The following NXT1 variants were observed in gnomAD, a reference collection of about 807,000 sequenced individuals.
NXT1 encodes NTF2-related export protein 1.
In NXT1, 3 loss-of-function variants were observed where a neutral mutation model predicts 9.9. The observed-to-expected ratio is 0.30, with a 90% CI of 0.14 to 0.79. NXT1 has a LOEUF of 0.79. NXT1 is among the 30% of genes least tolerant of loss of function. The probability of loss-of-function intolerance (pLI) is 0.63; values close to 1 mark genes in which losing one functional copy is unlikely to be tolerated. For synonymous variants in NXT1, 53 were observed against 66.5 expected, an observed-to-expected ratio of 0.80 and a Z score of 0.99; for missense variants, 91 against 178.2, an observed-to-expected ratio of 0.51 and a Z score of 2.79.
chr20:23,354,321 G>A lies in NXT1; in HGVS notation c.280G>A (p.Val94Ile). The change falls in exon 2 of 2, where the codon GTC (valine) becomes ATC (isoleucine). Residue 94 changes from valine (V) to isoleucine (I), a missense_variant. Coordinates refer to ENST00000254998, the MANE Select transcript of NXT1 (RefSeq NM_013248.3). ...ACCAAGCCAGACCACGGTCCTTGTT[G>A]TCATCTGTGGATCAGTGAAGTTTGA... ...ATPSQTTVLV[V>I]ICGSVKFEGN... is the part of the protein sequence containing the mutation. 6.2e-7 allele frequency: 1 copy of A among 1,614,180 alleles called. No individual in the cohort carries two copies. Among genetic ancestry groups the A allele is most frequent in the South Asian group, 1.1e-5 (1 of 91,088 alleles).
chr20:23,351,675 A>G (rs187666113), intron 1 of NXT1, among the ~76,000 whole-genome samples: 1 of 152,288 alleles, frequency 6.6e-6, no homozygotes, highest in East Asian at 1.9e-4. Context: ...CCAGCCAAAG[A>G]GAAATGGGGT....
intron 1 of NXT1, among the ~76,000 whole-genome samples, chr20:23,351,727 C>T (rs2122994514): frequency 6.6e-6 from 1 of 152,294 alleles, no homozygotes; most frequent in South Asian, 2.1e-4. Flanking sequence ...TGGAGTTGTG[C>T]TCATGGAGAC....
At chr20:23,352,515 A>G (rs191545290) in intron 1 of NXT1, among the ~76,000 whole-genome samples, 1 of 137,460 alleles carries the variant, frequency 7.3e-6, no homozygotes, top group Non-Finnish European at 1.5e-5. Flanking sequence ...TAATCATTAT[A>G]AAAAAAAAAG....
rs1030497044 is a variant in NXT1, at chr20:23,353,924, A to T, written c.-61-57A>T. ...AGAAAAGGAGGAATGTTCCATTGTCAGGGCAGAATGAACTTTGGCATTCAC... is the reference window on the plus strand; with the variant it reads ...AGAAAAGGAGGAATGTTCCATTGTCTGGGCAGAATGAACTTTGGCATTCAC... On this transcript the variant is annotated intron_variant, in intron 1 of 1. Transcript: ENST00000254998. The T allele has an allele frequency of 1.1e-5, 10 of 943,044 alleles. No individual in the cohort carries two copies. The Admixed American group carries it at 2.3e-4, about 21-fold the overall frequency. 58.4% of individuals were successfully genotyped at this position (943,044 alleles called of 1,614,324 possible). A position where few individuals can be genotyped will look rare whatever the true frequency, so the allele number is the denominator to read the frequency against.
chr20:23,353,101 T>C (rs571867880), intron 1 of NXT1, among the ~76,000 whole-genome samples: 11 of 152,358 alleles, frequency 7.2e-5, no homozygotes, highest in East Asian at 3.9e-4. Flanking sequence ...CAGTGACCAC[T>C]CTTCCCTTCA....
intron 1 of NXT1, 197 bp downstream of exon 1, chr20:23,351,258 G>A (rs1980256319): frequency 6.6e-6 from 1 of 152,374 alleles, no homozygotes; most frequent in Non-Finnish European, 1.5e-5. Context: ...TCCCCTCACA[G>A]CGCAGCTCTC....
chr20:23,353,568 C>T lies in NXT1; in HGVS notation c.-61-413C>T, dbSNP rs1600520646. 2.0e-5 allele frequency among the ~76,000 whole-genome samples: 3 copies of T among 152,246 alleles called. 1 individual carries two copies. In the East Asian group the frequency reaches 5.8e-4, roughly 29 times the overall value. On this transcript the variant is annotated intron_variant, in intron 1 of 1. Coordinates refer to ENST00000254998, the MANE Select transcript of NXT1 (RefSeq NM_013248.3). ...CTGGGAGGCAGGTGTTGCAGTGAGC[C>T]GAGGTCGCGCCACTGCACTCCAGCC... is the stretch of plus-strand genomic sequence containing the variant.
chr20:23,353,545 G>A (rs1980328698), intron 1 of NXT1, among the ~76,000 whole-genome samples: 1 of 152,202 alleles, frequency 6.6e-6, no homozygotes, highest in African/African-American at 2.4e-5. Context: ...GCTTGAAGCT[G>A]GGAGGCAGGT....
intron 1 of NXT1, among the ~76,000 whole-genome samples, chr20:23,352,612 CTTTTT>C (rs76787707): frequency 6.6e-6 from 1 of 151,710 alleles, no homozygotes; most frequent in Non-Finnish European, 1.5e-5. Context: ...GTAATGTCCT[CTTTTT>C]TTTAAGTGAA....
chr20:23,351,649 G>A (rs1373679229), intron 1 of NXT1, among the ~76,000 whole-genome samples: 2 of 152,132 alleles, frequency 1.3e-5, no homozygotes, highest in African/African-American at 4.8e-5. Flanking sequence ...GAGGAGTGAG[G>A]TGGAGATCGG....
At chr20:23,353,835 G>C in intron 1 of NXT1, 146 bp from the exon 2 acceptor site, 2 of 591,892 alleles carry the variant, frequency 3.4e-6, no homozygotes, top group South Asian at 2.1e-5. Context: ...GGCATTTTTA[G>C]GCATTGGGTA....
Position 23,354,415 on chromosome 20 carries a change from T to C in NXT1, c.374T>C (p.Val125Ala). The C allele has an allele frequency of 1.2e-6, 2 of 1,614,102 alleles. No homozygotes were observed. Among genetic ancestry groups the C allele is most frequent in the Admixed American group, 3.3e-5 (2 of 60,020 alleles). ...LTAQASPSNT[V>A]WKIASDCFRF... Reference sequence around the variant, plus strand: ...GCCCAGGCCTCACCCAGCAACACAGTGTGGAAGATCGCAAGTGACTGCTTC... The same window carrying C: ...GCCCAGGCCTCACCCAGCAACACAGCGTGGAAGATCGCAAGTGACTGCTTC... The change falls in exon 2 of 2, where the codon GTG becomes GCG. Residue 125 changes from valine to alanine, a missense_variant. Physicochemically the swap from Val to Ala is moderately conservative, Grantham distance 64. Coordinates refer to ENST00000254998, the MANE Select transcript of NXT1 (RefSeq NM_013248.3).
At chr20:23,353,637 A>C (rs927219961) in intron 1 of NXT1, among the ~76,000 whole-genome samples, 2 of 152,202 alleles carry the variant, frequency 1.3e-5, no homozygotes, top group Non-Finnish European at 2.9e-5. Context: ...ATGGCATAGC[A>C]CAGTCAGCCC....
chr20:23,354,589 A>G lies in NXT1; in HGVS notation c.*125A>G, dbSNP rs1980356804. 2 of 1,116,972 alleles carry G rather than the reference A, an allele frequency of 1.8e-6. No homozygotes were observed. The highest frequency in any genetic ancestry group is 2.6e-5 in the East Asian group (1 of 38,710). The allele number at this position is 1,116,972 out of a possible 1,614,324, so 69.2% of individuals were successfully genotyped here. A position where few individuals can be genotyped will look rare whatever the true frequency, so the allele number is the denominator to read the frequency against. On this transcript the variant is annotated 3_prime_UTR_variant, in exon 2 of 2. Coordinates refer to ENST00000254998, the MANE Select transcript of NXT1 (RefSeq NM_013248.3). The stretch of plus-strand genomic sequence containing the variant: ...TTGTTGCGGAGACACTGCAGACTCC[A>G]CTGTGCCGAGGTTGAACTCTTTTTT...
chr20:23,353,798 TGA>T, intron 1 of NXT1, among the ~76,000 whole-genome samples, 181 bp from the exon 2 acceptor site: 1 of 152,314 alleles, frequency 6.6e-6, no homozygotes, highest in East Asian at 1.9e-4. Context: ...ATCTTAACAG[TGA>T]GCAAACTGAG....
intron 1 of NXT1, among the ~76,000 whole-genome samples, chr20:23,352,142 A>G (rs1338261067): frequency 6.6e-6 from 1 of 152,246 alleles, no homozygotes; most frequent in Non-Finnish European, 1.5e-5. Flanking sequence ...AGGTATTATA[A>G]GTTACCTACA....
chr20:23,354,146 G>C lies in NXT1; in HGVS notation c.105G>C (p.Leu35=), dbSNP rs201558944. 1.2e-6 allele frequency: 2 copies of C among 1,614,158 alleles called. No homozygotes were observed. Among genetic ancestry groups the C allele is most frequent in the African/African-American group, 1.3e-5 (1 of 75,050 alleles). Residue 35 remains leucine, a synonymous_variant, in exon 2 of 2, where the codon CTG becomes CTC. Transcript: ENST00000254998. ...YTTMDKRRRL[L]SRLYMGTATL... is the part of the protein sequence containing the mutation. ...CCATGGATAAGCGGCGGCGTTTGCT[G>C]TCCCGCCTGTACATGGGCACAGCCA... is the stretch of plus-strand genomic sequence containing the variant.
At chr20:23,353,867 G>C (rs1980336512) in intron 1 of NXT1, 114 bp from the exon 2 acceptor site, 2 of 644,692 alleles carry the variant, frequency 3.1e-6, no homozygotes, top group Admixed American at 2.9e-5. Flanking sequence ...TACAGTCATT[G>C]TTCTGCAGTC....
intron 1 of NXT1, among the ~76,000 whole-genome samples, chr20:23,351,644 G>C (rs1313587487): frequency 6.6e-6 from 1 of 152,178 alleles, no homozygotes; most frequent in African/African-American, 2.4e-5. Context: ...GGGAGGAGGA[G>C]TGAGGTGGAG....
Sources: allele counts gnomAD v4.1 joint callset (sites outside exome capture counted in the v4.1 genomes callset), GRCh38; gene constraint gnomAD v4.1.1; transcripts MANE v1.5; gene names NCBI Gene and HGNC (gene_info 2026-07-23, HGNC 2026-07-21).